The following POLR1A variants were observed in gnomAD, a reference collection of about 807,000 sequenced individuals.
The protein encoded by POLR1A is RNA polymerase I subunit A, also known as DNA-directed RNA polymerase I subunit RPA1.
A neutral mutation model predicts 205.3 loss-of-function variants in POLR1A; 84 were observed. The ratio of observed to expected loss-of-function variants is 0.41; its 90% CI spans 0.34 to 0.49. The LOEUF (loss-of-function observed/expected upper bound fraction) is 0.49. Among genes scored for constraint, POLR1A ranks in the 20% least tolerant of loss-of-function variants. POLR1A has a pLI of 0.22. For synonymous variants in POLR1A, 799 were observed against 863.7 expected (o/e 0.93, Z 1.31); for missense variants, 1,645 against 2,204.5 (o/e 0.75, Z 5.08).
intron 11 of POLR1A, 105 bp from the exon 12 acceptor site, chr2:86,075,365 G>A: frequency 2.5e-6 from 2 of 810,404 alleles, no homozygotes; most frequent in African/African-American, 1.7e-5. Flanking sequence ...AGATGTGGAG[G>A]AGCTGTTTGA....
At chr2:86,069,897 C>G in intron 13 of POLR1A, 121 bp downstream of exon 13, 1 of 1,085,690 alleles carries the variant, frequency 9.2e-7, no homozygotes, top group African/African-American at 1.6e-5. Context: ...AACCAGGACC[C>G]TCCATTCCAG....
rs898749298 is a variant in POLR1A at position 86,026,779 on chromosome 2, C to T, written c.*644G>A. Reference sequence around the variant, plus strand: ...TGGTCTAGAAGGACACCTCGCCACACAGTGGCAGGGCCAGGACCCTGGCCA... The same window carrying T: ...TGGTCTAGAAGGACACCTCGCCACATAGTGGCAGGGCCAGGACCCTGGCCA... On this transcript the variant is annotated 3_prime_UTR_variant, in exon 34 of 34. Transcript: ENST00000263857. 1 of 153,980 alleles carries T rather than the reference C, an allele frequency of 6.5e-6. No homozygotes were observed. Among genetic ancestry groups the T allele is most frequent in the African/African-American group, 2.4e-5 (1 of 41,484 alleles). 9.5% of individuals were successfully genotyped at this position (153,980 alleles called of 1,614,324 possible).
chr2:86,039,313 A>G lies in POLR1A; in HGVS notation c.3876+14T>C. ...CCTTCACCCCGTCTGCAACCTGGGA[A>G]GGAGAGACGTTACCTCCCCCAAGCA... On this transcript the variant is annotated intron_variant, in intron 26 of 33. Coordinates refer to ENST00000263857, the MANE Select transcript of POLR1A (RefSeq NM_015425.6). 6.2e-7 allele frequency: 1 copy of G among 1,613,378 alleles called. No individual in the cohort carries two copies. Among genetic ancestry groups the G allele is most frequent in the Non-Finnish European group, 8.5e-7 (1 of 1,179,878 alleles).
intron 25 of POLR1A, among the ~76,000 whole-genome samples, 191 bp from the exon 26 acceptor site, chr2:86,039,653 T>C (rs990649169): frequency 6.6e-6 from 1 of 152,192 alleles, no homozygotes; most frequent in Non-Finnish European, 1.5e-5. Context: ...CCCCTGTCAG[T>C]TTCCTCCCTG....
At chr2:86,086,059 CT>C (rs70953983) in intron 6 of POLR1A, among the ~76,000 whole-genome samples, 55,316 of 148,882 alleles carry the variant, frequency 0.37, 12,494 homozygotes, top group Non-Finnish European at 0.51. Flanking sequence ...ACAGCCCTCA[CT>C]TTTTTTTTTT....
Position 86,070,314 on chromosome 2 carries a change from A to T in POLR1A, c.1612-42T>A. On this transcript the variant is annotated intron_variant, in intron 12 of 33. Transcript: ENST00000263857. This position sits in a 1 kb window ranked among gnomAD's most constrained non-coding sequence, Gnocchi z 4.4. Reference sequence around the variant, plus strand: ...CAGGTGGGTGATCAGTGCAAACGTCAGTATCACCACGGCTCTTTCCAAGTG... The same window carrying T: ...CAGGTGGGTGATCAGTGCAAACGTCTGTATCACCACGGCTCTTTCCAAGTG... The T allele has an allele frequency of 6.4e-7, 1 of 1,554,482 alleles. No homozygotes were observed. The highest frequency in any genetic ancestry group is 1.2e-5 in the South Asian group (1 of 81,894).
chr2:86,030,421 A>T, intron 30 of POLR1A, 25 bp from the exon 31 acceptor site: 1 of 1,540,238 alleles, frequency 6.5e-7, no homozygotes, highest in Non-Finnish European at 9.0e-7. Flanking sequence ...AGAGCTGGGT[A>T]GGGTGACAGC....
At chr2:86,083,560 T>C (rs1001049297) in intron 6 of POLR1A, among the ~76,000 whole-genome samples, 2 of 152,210 alleles carry the variant, frequency 1.3e-5, no homozygotes, top group Non-Finnish European at 2.9e-5. Flanking sequence ...CTCATCAGCA[T>C]GTCTGCATGT....
Position 86,026,118 on chromosome 2 carries a change from G to T in POLR1A, c.*1305C>A, listed in dbSNP as rs963515506. On this transcript the variant is annotated 3_prime_UTR_variant, in exon 34 of 34. Transcript: ENST00000263857. ...AGGCTTCTCCCCTCTGCTTCTCCTG[G>T]CCACAGGGCCAGCAGCTAGCTCTGG... 2 of 152,270 alleles carry T rather than the reference G, an allele frequency of 1.3e-5. No homozygotes were observed. The highest frequency in any genetic ancestry group is 4.8e-5 in the African/African-American group (2 of 41,446). 9.4% of individuals were successfully genotyped at this position (152,270 alleles called of 1,614,324 possible).
intron 16 of POLR1A, among the ~76,000 whole-genome samples, chr2:86,050,121 T>C (rs1672776971): frequency 6.6e-6 from 1 of 152,082 alleles, no homozygotes; most frequent in Non-Finnish European, 1.5e-5. Flanking sequence ...TTTCACCACG[T>C]TGGCCAGGAT....
intron 14 of POLR1A, among the ~76,000 whole-genome samples, chr2:86,062,608 A>G (rs903471402): frequency 6.6e-6 from 1 of 152,168 alleles, no homozygotes; most frequent in African/African-American, 2.4e-5. Context: ...CATTGAAAGA[A>G]GAAAAGGGGT....
In POLR1A at chr2:86,045,150, A is replaced by G. The variant is rs1387608552; in HGVS notation, c.2969+128T>C. 1.4e-5 allele frequency: 9 copies of G among 646,046 alleles called. No homozygotes were observed. In the Admixed American group the frequency reaches 1.6e-4, roughly 12 times the overall value. 40.0% of individuals were successfully genotyped at this position (646,046 alleles called of 1,614,324 possible). A position where few individuals can be genotyped will look rare whatever the true frequency, so the allele number is the denominator to read the frequency against. ...TGTTTGCTGCTTTCTGTCTCAGGCCATTCATGGAAACTTTCCAAAAGTTTT... is the reference window on the plus strand; with the variant it reads ...TGTTTGCTGCTTTCTGTCTCAGGCCGTTCATGGAAACTTTCCAAAAGTTTT... On this transcript the variant is annotated intron_variant, in intron 21 of 33. Transcript: ENST00000263857.
Position 86,083,107 on chromosome 2 carries a change from G to A in POLR1A, c.792C>T (p.His264=). 7 of 1,613,908 alleles carry A rather than the reference G, an allele frequency of 4.3e-6. No individual in the cohort carries two copies. The highest frequency in any genetic ancestry group is 4.5e-5 in the East Asian group (2 of 44,886). The change falls in exon 7 of 34, where the codon CAC becomes CAT. Residue 264 remains histidine, a synonymous_variant. Transcript: ENST00000263857. ...GYLTPTSARE[H]LSALWKNEGF... ...CTTCATTCTTCCACAGGGCAGAAAGGTGTTCGCGGGCACTGGTGGGTGTTA... is the reference window on the plus strand; with the variant it reads ...CTTCATTCTTCCACAGGGCAGAAAGATGTTCGCGGGCACTGGTGGGTGTTA...
intron 6 of POLR1A, among the ~76,000 whole-genome samples, chr2:86,087,145 A>C (rs1344513499): frequency 6.6e-6 from 1 of 152,234 alleles, no homozygotes; most frequent in Non-Finnish European, 1.5e-5. Context: ...TATGTTATAC[A>C]GTAGGGCAAA....
intron 30 of POLR1A, among the ~76,000 whole-genome samples, chr2:86,030,743 T>C (rs1672371348): frequency 6.6e-6 from 1 of 152,208 alleles, no homozygotes; most frequent in Non-Finnish European, 1.5e-5. Flanking sequence ...TTCTTGTTAT[T>C]ACCCCATCAC....
intron 6 of POLR1A, among the ~76,000 whole-genome samples, chr2:86,084,344 G>A (rs1331299857): frequency 4.8e-4 from 73 of 151,952 alleles, no homozygotes; most frequent in Admixed American, 4.8e-3. Context: ...TTGAACCTGA[G>A]AGGCAGAGGC....
intron 13 of POLR1A, among the ~76,000 whole-genome samples, chr2:86,067,600 T>C (rs992056180): frequency 5.3e-5 from 8 of 152,190 alleles, no homozygotes; most frequent in South Asian, 2.1e-4. Flanking sequence ...TTCAGTATTA[T>C]GGTTACTTAA....
intron 14 of POLR1A, 120 bp downstream of exon 14, chr2:86,065,154 A>C: frequency 1.1e-6 from 1 of 929,496 alleles, no homozygotes; most frequent in Non-Finnish European, 1.6e-6. Context: ...AAAGAAAGTC[A>C]GACTATTGCT....
chr2:86,090,981 A>T (rs2104429958), intron 3 of POLR1A, among the ~76,000 whole-genome samples: 1 of 152,342 alleles, frequency 6.6e-6, no homozygotes, highest in East Asian at 1.9e-4. Context: ...GAACAAATTT[A>T]AAAACCTAAA....
Sources: gnomAD v4.1 joint callset for allele counts (sites outside exome capture counted in the v4.1 genomes callset) on GRCh38, gnomAD v4.1.1 for gene constraint, Gnocchi (gnomAD v3.1) non-coding constraint, MANE v1.5 for transcripts, NCBI Gene and HGNC (gene_info 2026-07-23, HGNC 2026-07-21) for gene names.